SAMD4A: variants seen among roughly 807,000 people sequenced by gnomAD.
SAMD4A encodes sterile alpha motif domain containing 4A, also known as protein Smaug homolog 1.
A neutral mutation model predicts 81.3 loss-of-function variants in SAMD4A; 33 were observed. The observed-to-expected ratio is 0.41, with a 90% CI of 0.31 to 0.54. The LOEUF (loss-of-function observed/expected upper bound fraction) is 0.54. Ranked by LOEUF, SAMD4A falls within the 20% of genes least tolerant of loss-of-function variation. The pLI, the probability that SAMD4A is intolerant of heterozygous loss-of-function variation, is 0.37. For missense variants in SAMD4A, 854 were observed against 951.1 expected (o/e 0.90, Z 1.34); for synonymous variants, 389 against 382.1 (o/e 1.02, Z -0.21).
At chr14:54,755,620 C>T (rs988752586) in intron 6 of SAMD4A, among the ~76,000 whole-genome samples, 11 of 152,132 alleles carry the variant, frequency 7.2e-5, no homozygotes, top group African/African-American at 2.4e-4. Context: ...GAAATTGGCC[C>T]TCAGCAGGTC....
chr14:54,735,241 C>G (rs1028836932), intron 3 of SAMD4A: 34 of 152,044 alleles, frequency 2.2e-4, no homozygotes, highest in Non-Finnish European at 4.4e-4. Context: ...TGCTTTCCCC[C>G]CACTTTTCCT....
intron 2 of SAMD4A, among the ~76,000 whole-genome samples, chr14:54,570,522 CAG>C (rs1302180752): frequency 1.1e-4 from 17 of 152,066 alleles, no homozygotes; most frequent in Admixed American, 1.1e-3. Flanking sequence ...CTGCTGTAAT[CAG>C]TAGTAAAAAG....
chr14:54,715,097 C>A (rs1301627132), intron 3 of SAMD4A, among the ~76,000 whole-genome samples: 1 of 151,868 alleles, frequency 6.6e-6, no homozygotes, highest in Non-Finnish European at 1.5e-5. Context: ...TAAAAATTAT[C>A]CTTAAGTAAC....
chr14:54,748,681 A>G (rs1007915568), intron 4 of SAMD4A, 134 bp from the exon 5 acceptor site: 4 of 638,964 alleles, frequency 6.3e-6, no homozygotes, highest in East Asian at 5.5e-5. Context: ...ACATAGTAAC[A>G]TAAAGGTGTT....
rs111755788 is a variant in SAMD4A, at chr14:54,697,321, G to A, written c.197-4741G>A. ...GGAGCCATCATCAGAGAGACCAGAC[G>A]TACTCCAAGTCCATATAATCAGCAC... On this transcript the variant is annotated intron_variant, in intron 2 of 12. Coordinates refer to ENST00000554335, the MANE Select transcript of SAMD4A (RefSeq NM_015589.6). Among the ~76,000 whole-genome samples the A allele has an allele frequency of 3.3e-3, 508 of 152,260 alleles. 2 individuals are homozygous for A. The highest frequency in any genetic ancestry group is 0.012 in the African/African-American group (485 of 41,556).
At chr14:54,662,615 A>G (rs1275633412) in intron 2 of SAMD4A, among the ~76,000 whole-genome samples, 1 of 151,772 alleles carries the variant, frequency 6.6e-6, no homozygotes, top group Non-Finnish European at 1.5e-5. Flanking sequence ...GGGTTTCACC[A>G]TGTTGACCAA....
intron 7 of SAMD4A, among the ~76,000 whole-genome samples, chr14:54,762,347 A>C (rs1350467394): frequency 6.6e-6 from 1 of 152,192 alleles, no homozygotes; most frequent in Non-Finnish European, 1.5e-5. Flanking sequence ...ATTTCAGACC[A>C]TTTTAAAAAA....
At chr14:54,748,004 CT>C (rs1239134769) in intron 4 of SAMD4A, among the ~76,000 whole-genome samples, 1 of 152,242 alleles carries the variant, frequency 6.6e-6, no homozygotes, top group Non-Finnish European at 1.5e-5. Flanking sequence ...GAATCTCAGA[CT>C]TGGGGGTTAT....
chr14:54,632,382 AC>A (rs920853186), intron 2 of SAMD4A, among the ~76,000 whole-genome samples: 1 of 152,212 alleles, frequency 6.6e-6, no homozygotes, highest in African/African-American at 2.4e-5. Flanking sequence ...AAAAGAATAC[AC>A]AGTAAAATGT....
At chr14:54,661,444 G>A (rs2035640449) in intron 2 of SAMD4A, among the ~76,000 whole-genome samples, 1 of 152,152 alleles carries the variant, frequency 6.6e-6, no homozygotes, top group Non-Finnish European at 1.5e-5. Context: ...AGAACAGAGG[G>A]CTAATTAGCA....
At chr14:54,776,888 A>AGAAAGT (rs1566635034) in intron 11 of SAMD4A, among the ~76,000 whole-genome samples, 2 of 151,880 alleles carry the variant, frequency 1.3e-5, no homozygotes, top group Admixed American at 1.3e-4. Flanking sequence ...GTGTGGAAAG[A>AGAAAGT]GAAAGTGAGA....
At chr14:54,666,487 C>G (rs774700841) in intron 2 of SAMD4A, among the ~76,000 whole-genome samples, 2 of 152,114 alleles carry the variant, frequency 1.3e-5, no homozygotes, top group Non-Finnish European at 2.9e-5. Context: ...ATTTCATGTC[C>G]TGCAAACACG....
At chr14:54,611,471 T>C (rs1411367450) in intron 2 of SAMD4A, among the ~76,000 whole-genome samples, 1 of 152,172 alleles carries the variant, frequency 6.6e-6, no homozygotes, top group African/African-American at 2.4e-5. Context: ...TTGAGGAAAC[T>C]CTTCCTTATG....
chr14:54,749,887 G>A (rs188458424), intron 5 of SAMD4A, among the ~76,000 whole-genome samples: 22 of 152,262 alleles, frequency 1.4e-4, no homozygotes, highest in African/African-American at 4.3e-4. Context: ...ATACCTCCCC[G>A]CAGATCACCA....
intron 2 of SAMD4A, among the ~76,000 whole-genome samples, chr14:54,678,046 A>G (rs1319618818): frequency 6.6e-6 from 1 of 152,262 alleles, no homozygotes; most frequent in Non-Finnish European, 1.5e-5. Context: ...AGAGAAAAGC[A>G]TACAAATTAA....
intron 2 of SAMD4A, among the ~76,000 whole-genome samples, chr14:54,678,342 TCAGGGGAGAAG>T (rs1236339952): frequency 6.6e-6 from 1 of 152,092 alleles, no homozygotes; most frequent in Non-Finnish European, 1.5e-5. Context: ...ATGACCTGCC[TCAGGGGAGAAG>T]GGAGGAGAAT....
chr14:54,768,608 C>T (rs574865379), intron 8 of SAMD4A, among the ~76,000 whole-genome samples: 56 of 152,312 alleles, frequency 3.7e-4, no homozygotes, highest in Admixed American at 1.4e-3. Flanking sequence ...GATCCCCTCT[C>T]GCTGTTAGTC....
chr14:54,614,180 A>G (rs2034435455), intron 2 of SAMD4A, among the ~76,000 whole-genome samples: 1 of 152,276 alleles, frequency 6.6e-6, no homozygotes, highest in African/African-American at 2.4e-5. Context: ...TAAAAATTTA[A>G]AAACTGTGGC....
intron 11 of SAMD4A, among the ~76,000 whole-genome samples, chr14:54,783,064 A>G (rs1242698553): frequency 6.6e-6 from 1 of 151,998 alleles, no homozygotes; most frequent in Non-Finnish European, 1.5e-5. Context: ...GTCACCTGGA[A>G]CACACCCCGC....
Sources: gnomAD v4.1 joint callset for allele counts (sites outside exome capture counted in the v4.1 genomes callset) on GRCh38, gnomAD v4.1.1 for gene constraint, MANE v1.5 for transcripts, NCBI Gene and HGNC (gene_info 2026-07-23, HGNC 2026-07-21) for gene names.